Variants in CLSTN1 observed in about 807,000 individuals in gnomAD.
CLSTN1 encodes calsyntenin-1.
A neutral mutation model predicts 108.3 loss-of-function variants in CLSTN1; 28 were observed. The observed-to-expected ratio is 0.26, with a 90% confidence interval of 0.19 to 0.35. The LOEUF is 0.35. Ranked by LOEUF, CLSTN1 falls within the 10% of genes least tolerant of loss-of-function variation. The pLI is 1.00. For missense variants in CLSTN1, 1,157 were observed against 1,302.6 expected, an observed-to-expected ratio of 0.89 and a Z score of 1.72; for synonymous variants, 524 against 534.9, an observed-to-expected ratio of 0.98 and a Z score of 0.28.
chr1:9,732,586 CTT>C (rs753651509), intron 16 of CLSTN1, among the ~76,000 whole-genome samples: 1 of 152,240 alleles, frequency 6.6e-6, no homozygotes, highest in African/African-American at 2.4e-5. Flanking sequence ...GCATTCTGCT[CTT>C]GAGTTCATGG....
intron 1 of CLSTN1, among the ~76,000 whole-genome samples, chr1:9,804,819 G>A (rs1654438017): frequency 6.6e-6 from 1 of 151,398 alleles, no homozygotes; most frequent in South Asian, 2.1e-4. Flanking sequence ...GCGATGGAGT[G>A]AGACCCTGTC....
At position 9,731,768 on chromosome 1, in the gene CLSTN1, C is replaced by A. The variant is rs779078453; in HGVS notation, c.2556G>T (p.Pro852=). 2.1e-5 allele frequency: 34 copies of A among 1,614,024 alleles called. No homozygotes were observed. In the Admixed American group the frequency reaches 5.3e-4, roughly 25 times the overall value. Residue 852 remains proline (P), a synonymous_variant, in exon 17 of 19, where the codon CCG becomes CCT. Coordinates refer to ENST00000377298, the MANE Select transcript of CLSTN1 (RefSeq NM_001009566.3). ...TCCCTCCCCATGTCCTACCTGCGAA[C>A]GGGTGGGGGTTGGCCAGGTTGTGGC... ...LSGHNLANPH[P]FAVVPSTATV... is the part of the protein sequence containing the mutation.
Position 9,735,776 on chromosome 1 carries a change from C to G in CLSTN1, c.1734+109G>C, listed in dbSNP as rs1311450965. On this transcript the variant is annotated intron_variant, in intron 12 of 18. Transcript: ENST00000377298. ...GTCCAGTGAACACAACTCTTTTACCCAACAGTAAACGTATCAATCACAGAT... is the reference window on the plus strand; with the variant it reads ...GTCCAGTGAACACAACTCTTTTACCGAACAGTAAACGTATCAATCACAGAT... 24 of 1,506,464 alleles carry G rather than the reference C, an allele frequency of 1.6e-5. No individual in the cohort carries two copies. The South Asian group carries it at 2.7e-4, about 17-fold the overall frequency. The allele number at this position is 1,506,464 out of a possible 1,614,324, so 93.3% of individuals were successfully genotyped here.
chr1:9,761,480 C>T (rs530891299), intron 2 of CLSTN1, among the ~76,000 whole-genome samples: 13 of 152,006 alleles, frequency 8.6e-5, no homozygotes, highest in East Asian at 3.9e-4. Context: ...GTACTCTGGG[C>T]GACGGAGTGA....
rs1041748405 is a variant in CLSTN1 at position 9,750,997 on chromosome 1, A to G, written c.649+476T>C. On this transcript the variant is annotated intron_variant, in intron 5 of 18. Coordinates refer to ENST00000377298, the MANE Select transcript of CLSTN1 (RefSeq NM_001009566.3). Reference sequence around the variant, plus strand: ...GGAGAATCACTTGAACCCGGGAGGCAGAGGTTGCAGTGAGCTGAGATCGCA... The same window carrying G: ...GGAGAATCACTTGAACCCGGGAGGCGGAGGTTGCAGTGAGCTGAGATCGCA... 6.4e-4 allele frequency among the ~76,000 whole-genome samples: 97 copies of G among 152,066 alleles called. 1 individual carries two copies. Among genetic ancestry groups the G allele is most frequent in the African/African-American group, 2.1e-3 (87 of 41,512 alleles).
intron 1 of CLSTN1, among the ~76,000 whole-genome samples, chr1:9,816,468 T>C (rs1654974366): frequency 6.6e-6 from 1 of 150,952 alleles, no homozygotes; most frequent in Non-Finnish European, 1.5e-5. Flanking sequence ...TATACTAAAA[T>C]CACTGAATTG....
chr1:9,800,014 A>T (rs1654187371), intron 1 of CLSTN1, among the ~76,000 whole-genome samples: 1 of 152,238 alleles, frequency 6.6e-6, no homozygotes, highest in African/African-American at 2.4e-5. Flanking sequence ...GAGGAGTTTT[A>T]AAATGTTTTG....
At chr1:9,776,433 G>T (rs371268036) in intron 1 of CLSTN1, among the ~76,000 whole-genome samples, 1 of 152,100 alleles carries the variant, frequency 6.6e-6, no homozygotes, top group Non-Finnish European at 1.5e-5. Context: ...GGAATTTGGA[G>T]GTTGGTTGCA....
rs111869689 is a variant in CLSTN1 at position 9,733,833 on chromosome 1, A to T, written c.2281+139T>A. The T allele has an allele frequency of 2.6e-3, 2,311 of 883,496 alleles. 9 individuals carry two copies. The highest frequency in any genetic ancestry group is 6.2e-3 in the Middle Eastern group (18 of 2,902). 54.7% of individuals were successfully genotyped at this position (883,496 alleles called of 1,614,324 possible). On this transcript the variant is annotated intron_variant, in intron 15 of 18. Transcript: ENST00000377298. ...AGGAGTATGCGTGCAGCCAACAATG[A>T]TCCCAGCGAACGTGCTCCTTCCCCA...
intron 1 of CLSTN1, among the ~76,000 whole-genome samples, chr1:9,792,555 C>T (rs554763892): frequency 4.0e-5 from 6 of 151,576 alleles, no homozygotes; most frequent in African/African-American, 1.4e-4. Flanking sequence ...AGTCATCTTA[C>T]AGCCATCCTG....
chr1:9,804,161 G>C (rs1557722737), intron 1 of CLSTN1, among the ~76,000 whole-genome samples: 1 of 151,872 alleles, frequency 6.6e-6, no homozygotes, highest in African/African-American at 2.4e-5. Flanking sequence ...AAGAGATCGA[G>C]GCCAGCCTGG....
chr1:9,741,893 C>T (rs1164615894), intron 9 of CLSTN1, among the ~76,000 whole-genome samples: 3 of 152,198 alleles, frequency 2.0e-5, no homozygotes, highest in Non-Finnish European at 4.4e-5. Flanking sequence ...GCCTGGGTGA[C>T]AGAGCAAGAC....
intron 13 of CLSTN1, 106 bp downstream of exon 13, chr1:9,735,361 C>T (rs1208142666): frequency 2.7e-6 from 4 of 1,500,692 alleles, no homozygotes; most frequent in Non-Finnish European, 3.7e-6. Context: ...TCTGGTTACA[C>T]ACGATGGCTC....
At chr1:9,755,617 C>A (rs149298934) in intron 3 of CLSTN1, among the ~76,000 whole-genome samples, 1 of 151,996 alleles carries the variant, frequency 6.6e-6, no homozygotes, top group Non-Finnish European at 1.5e-5. Flanking sequence ...TTAGATAGCT[C>A]GAGGGTAAAA....
Position 9,762,156 on chromosome 1 carries a change from C to T in CLSTN1, c.215-5646G>A, listed in dbSNP as rs564208486. 2.4e-4 allele frequency among the ~76,000 whole-genome samples: 36 copies of T among 152,184 alleles called. No homozygotes were observed. In the South Asian group the frequency reaches 5.0e-3, roughly 21 times the overall value. On this transcript the variant is annotated intron_variant, in intron 2 of 18. Coordinates refer to ENST00000377298, the MANE Select transcript of CLSTN1 (RefSeq NM_001009566.3). ...TCTGTGCCCAATGGGAAACGGATCA[C>T]GGGGCTGTAAAGAAGAGAAAATGGG...
intron 1 of CLSTN1, among the ~76,000 whole-genome samples, chr1:9,786,751 G>A (rs749843885): frequency 1.3e-4 from 19 of 149,504 alleles, no homozygotes; most frequent in Non-Finnish European, 2.5e-4. Flanking sequence ...CTGCCTGTCC[G>A]CCACCAGGCG....
At chr1:9,764,849 CTTTTT>C (rs1022626017) in intron 2 of CLSTN1, among the ~76,000 whole-genome samples, 7 of 151,668 alleles carry the variant, frequency 4.6e-5, no homozygotes, top group African/African-American at 1.7e-4. Flanking sequence ...AACTTTTACA[CTTTTT>C]TTTATCATCT....
chr1:9,803,620 T>G (rs1394205569), intron 1 of CLSTN1, among the ~76,000 whole-genome samples: 1 of 151,998 alleles, frequency 6.6e-6, no homozygotes, highest in Non-Finnish European at 1.5e-5. Context: ...CTGGCCAACA[T>G]GGTGAAATCC....
chr1:9,789,000 C>T (rs192940196), intron 1 of CLSTN1, among the ~76,000 whole-genome samples: 1 of 151,380 alleles, frequency 6.6e-6, no homozygotes, highest in Admixed American at 6.7e-5. Flanking sequence ...CCTGCTGTGG[C>T]ATGCGTTGGA....
Sources: allele counts gnomAD v4.1 joint callset (sites outside exome capture counted in the v4.1 genomes callset), GRCh38; gene constraint gnomAD v4.1.1; transcripts MANE v1.5; gene names NCBI Gene and HGNC (gene_info 2026-07-23, HGNC 2026-07-21).